CGAS: variants seen among roughly 807,000 people sequenced by gnomAD.
CGAS encodes 2'3'-cGAMP synthase.
Under a neutral mutation model 34.0 loss-of-function variants are expected in CGAS, and 31 were observed. The ratio of observed to expected loss-of-function variants is 0.91; its 90% confidence interval spans 0.69 to 1.23. CGAS has a LOEUF of 1.23. Ranked by LOEUF, CGAS falls within the 50% of genes most tolerant of loss-of-function variation. The probability of loss-of-function intolerance (pLI) is 0.00; values close to 1 mark genes in which losing one functional copy is unlikely to be tolerated. For synonymous variants in CGAS, 266 were observed against 260.0 expected (o/e 1.02, Z -0.22); for missense variants, 597 against 657.6 (o/e 0.91, Z 1.01).
Position 73,449,346 on chromosome 6 carries a change from G to A in CGAS, c.657+2179C>T, listed in dbSNP as rs557419601. Among the ~76,000 whole-genome samples, 11 of 151,586 alleles carry A rather than the reference G, an allele frequency of 7.3e-5. No homozygotes were observed. In the South Asian group the frequency reaches 2.3e-3, roughly 32 times the overall value. On this transcript the variant is annotated intron_variant, in intron 1 of 4. Coordinates refer to ENST00000370315, the MANE Select transcript of CGAS (RefSeq NM_138441.3). ...AAAAATTAGCTGGGCATGGTGGCGGGCGCCTGTAGTCCCAGCTACTTGGGA... is the reference window on the plus strand; with the variant it reads ...AAAAATTAGCTGGGCATGGTGGCGGACGCCTGTAGTCCCAGCTACTTGGGA...
intron 2 of CGAS, among the ~76,000 whole-genome samples, 185 bp from the exon 3 acceptor site, chr6:73,440,630 G>A (rs1770361835): frequency 6.6e-6 from 1 of 152,142 alleles, no homozygotes; most frequent in African/African-American, 2.4e-5. Flanking sequence ...GGCTGGGCAT[G>A]ATGGCTCATG....
intron 2 of CGAS, among the ~76,000 whole-genome samples, chr6:73,444,916 C>T (rs536906884): frequency 1.7e-4 from 26 of 151,944 alleles, no homozygotes; most frequent in Non-Finnish European, 2.9e-4. Context: ...CTGGATGGTG[C>T]GTCTGGGTGG....
intron 3 of CGAS, among the ~76,000 whole-genome samples, chr6:73,438,933 A>G (rs1340386227): frequency 6.6e-6 from 1 of 152,150 alleles, no homozygotes; most frequent in Admixed American, 6.6e-5. Context: ...GCTATAATTC[A>G]TTTTGTAAAA....
chr6:73,425,150 G>C lies in CGAS; in HGVS notation c.*77C>G. 1 of 1,081,690 alleles carries C rather than the reference G, an allele frequency of 9.2e-7. No homozygotes were observed. 67.0% of individuals were successfully genotyped at this position (1,081,690 alleles called of 1,614,324 possible). On this transcript the variant is annotated 3_prime_UTR_variant, in exon 5 of 5. Transcript: ENST00000370315. Reference sequence around the variant, plus strand: ...TTACAGGTGTGAGCCACAGCGTCTGGCCCCTTTTCAAATTTTTCTTGTATT... The same window carrying C: ...TTACAGGTGTGAGCCACAGCGTCTGCCCCCTTTTCAAATTTTTCTTGTATT...
intron 3 of CGAS, among the ~76,000 whole-genome samples, chr6:73,437,529 C>G (rs1288894500): frequency 3.3e-5 from 5 of 151,966 alleles, no homozygotes; most frequent in African/African-American, 1.2e-4. Context: ...GCCCTGAACC[C>G]CTGGGCTCAA....
chr6:73,437,995 G>A (rs1425655930), intron 3 of CGAS, among the ~76,000 whole-genome samples: 1 of 152,170 alleles, frequency 6.6e-6, no homozygotes, highest in African/African-American at 2.4e-5. Flanking sequence ...TTTGAACCCA[G>A]GAGGTGGAGG....
At chr6:73,431,140 A>C (rs566090074) in intron 3 of CGAS, among the ~76,000 whole-genome samples, 58 of 151,612 alleles carry the variant, frequency 3.8e-4, no homozygotes, top group African/African-American at 1.4e-3. Context: ...ACAAAAAAAA[A>C]CACCCAACAG....
chr6:73,440,144 C>T, intron 3 of CGAS, 65 bp downstream of exon 3: 3 of 1,410,762 alleles, frequency 2.1e-6, no homozygotes, highest in Non-Finnish European at 1.9e-6. Context: ...TGATCTTTTA[C>T]TGCCTGAACA....
intron 2 of CGAS, among the ~76,000 whole-genome samples, chr6:73,444,258 G>T (rs1448136767): frequency 6.6e-6 from 1 of 151,936 alleles, no homozygotes; most frequent in African/African-American, 2.4e-5. Flanking sequence ...AAAGTGCTGG[G>T]ATTACAGGTG....
chr6:73,438,939 T>C (rs1369040862), intron 3 of CGAS, among the ~76,000 whole-genome samples: 1 of 152,154 alleles, frequency 6.6e-6, no homozygotes, highest in African/African-American at 2.4e-5. Context: ...ATTCATTTTG[T>C]AAAAACATGA....
rs749520405 is a variant in CGAS at position 73,440,361 on chromosome 6, G to T, written c.962C>A (p.Thr321Asn). The T allele has an allele frequency of 1.9e-6, 3 of 1,614,138 alleles. No homozygotes were observed. The highest frequency in any genetic ancestry group is 2.5e-6 in the Non-Finnish European group (3 of 1,180,036). Residue 321 changes from threonine (T) to asparagine (N), a missense_variant, in exon 3 of 5, where the codon ACC (threonine) becomes AAC (asparagine). This residue lies in a region of CGAS where 271 missense variants were observed against 324.1 expected (regional missense o/e 0.84). Transcript: ENST00000370315. ...LISEKISVDITLALESKSSWP... is the reference protein window; with the variant it reads ...LISEKISVDINLALESKSSWP... ...GCTACTTTTTGATTCCAAAGCCAGG[G>T]TTATATCCACAGATATTTTTTCACT...
In CGAS at chr6:73,430,868, G is replaced by A. The variant is rs1199358727; in HGVS notation, c.1115-2057C>T. Reference sequence around the variant, plus strand: ...TGTAATCCCAGCACCGTGGGAGGCCGAGGTGAGCAGATCACCTGAGATATG... The same window carrying A: ...TGTAATCCCAGCACCGTGGGAGGCCAAGGTGAGCAGATCACCTGAGATATG... On this transcript the variant is annotated intron_variant, in intron 3 of 4. Transcript: ENST00000370315. Among the ~76,000 whole-genome samples the A allele has an allele frequency of 7.2e-5, 11 of 152,186 alleles. No homozygotes were observed. In the East Asian group the frequency reaches 1.2e-3, roughly 16 times the overall value.
At chr6:73,428,849 C>A in intron 3 of CGAS, 38 bp from the exon 4 acceptor site, 1 of 1,539,120 alleles carries the variant, frequency 6.5e-7, no homozygotes, top group South Asian at 1.1e-5. Context: ...GCACTTTACC[C>A]AAAGCATCCA....
intron 3 of CGAS, among the ~76,000 whole-genome samples, chr6:73,432,663 G>A (rs549149158): frequency 3.3e-5 from 5 of 152,012 alleles, no homozygotes; most frequent in South Asian, 2.1e-4. Context: ...GTTTTGTCAC[G>A]TGGCCCAGGC....
At chr6:73,427,409 C>G (rs891432010) in intron 4 of CGAS, among the ~76,000 whole-genome samples, 46 of 152,064 alleles carry the variant, frequency 3.0e-4, no homozygotes, top group African/African-American at 1.1e-3. Context: ...AGGTGATTCT[C>G]TTGCCTCAGC....
At chr6:73,440,699 C>T (rs1270891488) in intron 2 of CGAS, among the ~76,000 whole-genome samples, 3 of 152,028 alleles carry the variant, frequency 2.0e-5, no homozygotes, top group Admixed American at 6.6e-5. Flanking sequence ...GTCAGGAGTT[C>T]GAGACCAGCC....
At chr6:73,437,957 T>G (rs1410007071) in intron 3 of CGAS, among the ~76,000 whole-genome samples, 1 of 152,116 alleles carries the variant, frequency 6.6e-6, no homozygotes, top group East Asian at 1.9e-4. Context: ...TAGTCCCAGC[T>G]ACTCGAGATG....
rs1054016527 is a variant in CGAS, at chr6:73,428,924, C to A, written c.1115-113G>T. On this transcript the variant is annotated intron_variant, in intron 3 of 4. Coordinates refer to ENST00000370315, the MANE Select transcript of CGAS (RefSeq NM_138441.3). The stretch of plus-strand genomic sequence containing the variant: ...TCCTGGGGCTGGGCATGGGGGCTCA[C>A]GCCTGTAATCTCAGTACTTTGGGAG... The A allele has an allele frequency of 2.1e-5, 19 of 903,090 alleles. No homozygotes were observed. The South Asian group carries it at 3.0e-4, about 14-fold the overall frequency. The allele number at this position is 903,090 out of a possible 1,614,324, so 55.9% of individuals were successfully genotyped here.
At chr6:73,445,266 T>A (rs1770450880) in intron 2 of CGAS, among the ~76,000 whole-genome samples, 1 of 151,846 alleles carries the variant, frequency 6.6e-6, no homozygotes, top group Non-Finnish European at 1.5e-5. Context: ...CAATATTCAT[T>A]GATTATCTAA....
Sources: allele counts gnomAD v4.1 joint callset (sites outside exome capture counted in the v4.1 genomes callset), GRCh38; gene constraint gnomAD v4.1.1; regional missense constraint gnomAD v4.1.1; transcripts MANE v1.5; gene names NCBI Gene and HGNC (gene_info 2026-07-23, HGNC 2026-07-21).